SCRN1: variants seen among roughly 807,000 people sequenced by gnomAD.
SCRN1 encodes the protein secernin 1, also known as secernin-1.
SCRN1 carries 19 observed loss-of-function variants against 43.3 expected under a neutral mutation model. The ratio of observed to expected loss-of-function variants is 0.44; its 90% confidence interval spans 0.31 to 0.64. The LOEUF is 0.64. Ranked by LOEUF, SCRN1 falls within the 30% of genes least tolerant of loss-of-function variation. SCRN1 has a pLI of 0.09. For missense variants in SCRN1, 447 were observed against 524.1 expected (o/e 0.85, Z 1.44); for synonymous variants, 183 against 188.9 (o/e 0.97, Z 0.26).
intron 6 of SCRN1, among the ~76,000 whole-genome samples, chr7:29,933,954 G>C (rs1392299271): frequency 6.6e-6 from 1 of 152,174 alleles, no homozygotes; most frequent in African/African-American, 2.4e-5. Context: ...ATTAACAGAA[G>C]CCAAAATCTC....
intron 6 of SCRN1, among the ~76,000 whole-genome samples, chr7:29,936,186 C>T (rs1432629978): frequency 6.6e-6 from 1 of 152,200 alleles, no homozygotes; most frequent in African/African-American, 2.4e-5. Flanking sequence ...CTCTCTGTCT[C>T]GCTGTGTTTT....
In SCRN1 at chr7:29,926,579, GT is replaced by G. The variant is rs780913115; in HGVS notation, c.958del (p.Thr320HisfsTer49). 12 of 1,614,024 alleles carry G rather than the reference GT, an allele frequency of 7.4e-6. 1 individual carries two copies. Among genetic ancestry groups the G allele is most frequent in the Middle Eastern group, 1.6e-4 (1 of 6,082 alleles). On this transcript the variant is annotated frameshift_variant, in exon 7 of 8. Coordinates refer to ENST00000242059, the MANE Select transcript of SCRN1 (RefSeq NM_014766.5). LOFTEE classifies it high-confidence loss of function. The stretch of plus-strand genomic sequence containing the variant: ...GTCATCCCCAAAACAGGGAGACTGT[GT>G]TTTGGGGACAAGTTTTACGTCATCA... ...FVDDVKLVPK[T>X]QSPCFGDDDP...
intron 2 of SCRN1, among the ~76,000 whole-genome samples, chr7:29,960,028 A>T (rs1467339492): frequency 4.5e-5 from 1 of 21,986 alleles, no homozygotes; most frequent in Non-Finnish European, 8.9e-5. Flanking sequence ...GGAGGGAGGG[A>T]GGGAGGGAGG....
chr7:29,981,917 T>C (rs1789002871), intron 1 of SCRN1, among the ~76,000 whole-genome samples: 1 of 152,016 alleles, frequency 6.6e-6, no homozygotes. Context: ...AGATTGTGGG[T>C]AGGTATGGGA....
intron 7 of SCRN1, among the ~76,000 whole-genome samples, chr7:29,924,683 A>G (rs1786882022): frequency 6.6e-6 from 1 of 152,084 alleles, no homozygotes; most frequent in Admixed American, 6.5e-5. Context: ...TCCTCCAGTG[A>G]CTGGGAGGGC....
rs1226833430 is a variant in SCRN1 at position 29,923,429 on chromosome 7, C to G, written c.*528G>C. 1 of 152,996 alleles carries G rather than the reference C, an allele frequency of 6.5e-6. No homozygotes were observed. The highest frequency in any genetic ancestry group is 2.4e-5 in the African/African-American group (1 of 41,442). The allele number at this position is 152,996 out of a possible 1,614,324, so 9.5% of individuals were successfully genotyped here. A position where few individuals can be genotyped will look rare whatever the true frequency, so the allele number is the denominator to read the frequency against. Reference sequence around the variant, plus strand: ...AATTGGTTCTGCCCCCCAGAAGACACCTGTAGAGACACTGTGCACTACAGG... The same window carrying G: ...AATTGGTTCTGCCCCCCAGAAGACAGCTGTAGAGACACTGTGCACTACAGG... On this transcript the variant is annotated 3_prime_UTR_variant, in exon 8 of 8. Transcript: ENST00000242059.
At chr7:29,984,464 A>T (rs1789089617) in intron 1 of SCRN1, among the ~76,000 whole-genome samples, 1 of 152,118 alleles carries the variant, frequency 6.6e-6, no homozygotes, top group South Asian at 2.1e-4. Flanking sequence ...GAAATACATG[A>T]AAAAGAGATA....
chr7:29,986,717 A>ATTTTTTTTTT (rs553845779), intron 1 of SCRN1, among the ~76,000 whole-genome samples: 210 of 99,778 alleles, frequency 2.1e-3, no homozygotes, highest in Middle Eastern at 7.9e-3. Flanking sequence ...AATTTTTTTA[A>ATTTTTTTTTT]TTTTTTTTTT....
upstream of SCRN1, chr7:29,989,927 C>T: frequency 8.9e-7 from 1 of 1,129,370 alleles, no homozygotes; most frequent in Non-Finnish European, 1.1e-6. Context: ...GCTGCACGGG[C>T]CGCGGCGCTG....
At chr7:29,943,097 T>C (rs1042328685) in intron 4 of SCRN1, among the ~76,000 whole-genome samples, 4 of 152,130 alleles carry the variant, frequency 2.6e-5, no homozygotes, top group African/African-American at 7.2e-5. Flanking sequence ...GTAAATTTAG[T>C]TAAGAAAAAT....
upstream of SCRN1, chr7:29,990,142 G>C: frequency 6.4e-7 from 1 of 1,551,440 alleles, no homozygotes; most frequent in Non-Finnish European, 8.7e-7. Flanking sequence ...GGGCCTCGGC[G>C]CCCACACAAG....
At chr7:29,926,667 A>G (rs1273625835) in intron 6 of SCRN1, 35 bp from the exon 7 acceptor site, 7 of 1,469,912 alleles carry the variant, frequency 4.8e-6, no homozygotes, top group Non-Finnish European at 6.5e-6. Context: ...AGCCAGGCAG[A>G]GGCTGGGACC....
At chr7:29,973,779 A>G (rs746235552) in intron 1 of SCRN1, among the ~76,000 whole-genome samples, 1 of 152,248 alleles carries the variant, frequency 6.6e-6, no homozygotes, top group African/African-American at 2.4e-5. Flanking sequence ...ATTTCTATCT[A>G]CGTATCCTAA....
chr7:29,954,821 T>C (rs1788075275), intron 3 of SCRN1, among the ~76,000 whole-genome samples: 1 of 152,132 alleles, frequency 6.6e-6, no homozygotes, highest in African/African-American at 2.4e-5. Flanking sequence ...GCTGGGATTA[T>C]AGGCGCCTAG....
At chr7:29,981,857 CT>C (rs1239334339) in intron 1 of SCRN1, among the ~76,000 whole-genome samples, 1 of 152,146 alleles carries the variant, frequency 6.6e-6, no homozygotes, top group African/African-American at 2.4e-5. Context: ...CTATGAGAGC[CT>C]GATAACCATG....
chr7:29,971,397 C>A (rs764317023), intron 1 of SCRN1, among the ~76,000 whole-genome samples: 2 of 152,134 alleles, frequency 1.3e-5, no homozygotes, highest in Non-Finnish European at 2.9e-5. Context: ...CTTTGGGAGG[C>A]CAAGGCAGGC....
intron 6 of SCRN1, among the ~76,000 whole-genome samples, chr7:29,934,485 T>C (rs915353508): frequency 2.0e-4 from 30 of 152,302 alleles, no homozygotes; most frequent in Non-Finnish European, 1.8e-4. Context: ...TCGCAGAGCA[T>C]TCCAGACACT....
intron 4 of SCRN1, among the ~76,000 whole-genome samples, chr7:29,941,531 G>A (rs1401616502): frequency 1.3e-5 from 2 of 151,932 alleles, no homozygotes; most frequent in Non-Finnish European, 2.9e-5. Flanking sequence ...CATATGTCTG[G>A]GTATGTGTGT....
intron 1 of SCRN1, among the ~76,000 whole-genome samples, chr7:29,981,783 A>G (rs1169922936): frequency 6.6e-6 from 1 of 152,222 alleles, no homozygotes; most frequent in Non-Finnish European, 1.5e-5. Flanking sequence ...TTGGACATAA[A>G]GAACCTCACC....
Sources: allele counts gnomAD v4.1 joint callset (sites outside exome capture counted in the v4.1 genomes callset), GRCh38; gene constraint gnomAD v4.1.1; transcripts MANE v1.5; gene names NCBI Gene and HGNC (gene_info 2026-07-23, HGNC 2026-07-21).